The following H3C4 variants were observed in gnomAD, a reference collection of about 807,000 sequenced individuals.
H3C4 encodes the protein histone H3.1.
A neutral mutation model predicts 8.7 loss-of-function variants in H3C4; 10 were observed. That is an observed-to-expected ratio of 1.15 (90% CI 0.71 to 1.96). The LOEUF is 1.96. H3C4 is among the 30% of genes most tolerant of loss of function. The probability of loss-of-function intolerance (pLI) is 0.00; values close to 1 mark genes in which losing one functional copy is unlikely to be tolerated. For missense variants in H3C4, 216 were observed against 192.9 expected (o/e 1.12, Z -0.71); for synonymous variants, 141 against 80.1 (o/e 1.76, Z -4.06).
chr6:26,198,872 G>C, upstream of H3C4: 1 of 1,614,054 alleles, frequency 6.2e-7, no homozygotes, highest in East Asian at 2.2e-5. Flanking sequence ...TGGCCTTGTG[G>C]TGACTCTCAG....
At chr6:26,199,115 T>C (rs1406876778), upstream of H3C4, 1 of 1,614,156 alleles carries the variant, frequency 6.2e-7, no homozygotes, top group African/African-American at 1.3e-5. Flanking sequence ...CGGCCCCGAC[T>C]CGCTCGGAGT....
upstream of H3C4, among the ~76,000 whole-genome samples, chr6:26,198,513 G>A (rs769598952): frequency 1.3e-5 from 2 of 152,072 alleles, no homozygotes; most frequent in Non-Finnish European, 2.9e-5. Flanking sequence ...TTTATTTTTA[G>A]TAAAGACGGG....
chr6:26,197,188 C>T lies in H3C4; in HGVS notation c.63G>A (p.Leu21=). ...STGGKAPRKQ[L]ATKAARKSAP... ...CGCTCTTTCGAGCAGCCTTGGTGGC[C>T]AGCTGCTTGCGTGGCGCTTTCCCAC... Residue 21 remains leucine (L), a synonymous_variant, in exon 1 of 1, where the codon CTG becomes CTA. Transcript: ENST00000356476. 6.2e-7 allele frequency: 1 copy of T among 1,614,052 alleles called. No homozygotes were observed. The highest frequency in any genetic ancestry group is 8.5e-7 in the Non-Finnish European group (1 of 1,179,980).
At position 26,197,031 on chromosome 6, in the gene H3C4, C is replaced by T; in HGVS notation, c.220G>A (p.Glu74Lys). The change falls in exon 1 of 1, where the codon GAG (glutamate) becomes AAG (lysine). Residue 74 changes from glutamate (E) to lysine (K), a missense_variant. By Grantham distance (56) the Glu-to-Lys change is moderately conservative. Coordinates refer to ENST00000356476, the MANE Select transcript of H3C4 (RefSeq NM_001376937.1). ...RKLPFQRLVR[E>K]IAQDFKTDLR... ...TCAGTCTTGAAGTCCTGCGCGATCT[C>T]ACGGACTAGACGCTGGAATGGCAGT... The T allele has an allele frequency of 6.2e-7, 1 of 1,614,232 alleles. No homozygotes were observed.
upstream of H3C4, chr6:26,198,716 A>T: frequency 1.2e-6 from 1 of 837,256 alleles, no homozygotes; most frequent in South Asian, 1.9e-5. Context: ...TTATAAATGG[A>T]AAAATTATTA....
chr6:26,199,200 G>A (rs773531178), upstream of H3C4: 4 of 1,612,756 alleles, frequency 2.5e-6, no homozygotes, highest in African/African-American at 1.3e-5. Flanking sequence ...GCGGGTCTTA[G>A]CCTTAGCTCG....
upstream of H3C4, chr6:26,199,149 T>A (rs775517831): frequency 1.2e-6 from 2 of 1,614,142 alleles, no homozygotes; most frequent in Non-Finnish European, 1.7e-6. Context: ...GAGCAAGCGG[T>A]GTACGCGGCC....
In H3C4 at chr6:26,197,019, C is replaced by G. The variant is rs142669882; in HGVS notation, c.232G>C (p.Asp78His). 2.5e-6 allele frequency: 4 copies of G among 1,614,224 alleles called. No homozygotes were observed. Among genetic ancestry groups the G allele is most frequent in the Admixed American group, 1.7e-5 (1 of 60,024 alleles). The change falls in exon 1 of 1, where the codon GAC becomes CAC. Residue 78 changes from aspartate (D) to histidine (H), a missense_variant. Asp to His is a moderately conservative substitution (Grantham distance 81, BLOSUM62 -1). Transcript: ENST00000356476. ...TGAAAACGCAGATCAGTCTTGAAGT[C>G]CTGCGCGATCTCACGGACTAGACGC... ...FQRLVREIAQ[D>H]FKTDLRFQSS...
chr6:26,197,561 ATTT>A (rs1006615419), upstream of H3C4, among the ~76,000 whole-genome samples: 2 of 151,472 alleles, frequency 1.3e-5, no homozygotes, highest in African/African-American at 4.9e-5. Flanking sequence ...ACGTGTCTTA[ATTT>A]TTTTTTAAAT....
upstream of H3C4, among the ~76,000 whole-genome samples, chr6:26,197,937 C>T (rs1765019520): frequency 6.7e-6 from 1 of 150,150 alleles, no homozygotes; most frequent in South Asian, 2.1e-4. Flanking sequence ...GACCAGTGTG[C>T]CCTTTTAGTC....
At chr6:26,199,070 G>A (rs758858541), upstream of H3C4, 9 of 1,614,176 alleles carry the variant, frequency 5.6e-6, no homozygotes, top group African/African-American at 1.3e-5. Flanking sequence ...CGGCGGTCAG[G>A]TACTCCAACA....
At chr6:26,198,779 A>C (rs879066162), upstream of H3C4, 3 of 1,471,500 alleles carry the variant, frequency 2.0e-6, no homozygotes, top group South Asian at 3.6e-5. Flanking sequence ...CTTTTAAGGA[A>C]TACATGGGTG....
At chr6:26,198,804 C>CT, upstream of H3C4, 2 of 1,582,542 alleles carry the variant, frequency 1.3e-6, no homozygotes, top group Non-Finnish European at 1.7e-6. Flanking sequence ...TGAAAAGAGC[C>CT]TTTGTTAAGA....
rs756483478 is a variant in H3C4, at chr6:26,197,113, C to G, written c.138G>C (p.Thr46=). 6 of 1,614,064 alleles carry G rather than the reference C, an allele frequency of 3.7e-6. No individual in the cohort carries two copies. In the East Asian group the frequency reaches 1.1e-4, roughly 30 times the overall value. ...VKKPHRYRPG[T]VALREIRRYQ... is the part of the protein sequence containing the mutation. ...AGCGGCGGATCTCGCGCAGAGCCAC[C>G]GTGCCGGGCCGGTAACGGTGGGGCT... Residue 46 remains threonine, a synonymous_variant, in exon 1 of 1, where the codon ACG becomes ACC. Transcript: ENST00000356476.
chr6:26,197,400 C>G, upstream of H3C4: 1 of 704,528 alleles, frequency 1.4e-6, no homozygotes. Context: ...GACAGAACAT[C>G]TCCTGCATGT....
upstream of H3C4, chr6:26,198,980 G>A (rs756161227): frequency 1.2e-6 from 2 of 1,614,220 alleles, no homozygotes; most frequent in Non-Finnish European, 1.7e-6. Flanking sequence ...CGTCGTTGCG[G>A]ATGGCCAGCT....
upstream of H3C4, chr6:26,198,737 CAA>C: frequency 1.9e-6 from 2 of 1,058,106 alleles, no homozygotes; most frequent in Non-Finnish European, 2.7e-6. Flanking sequence ...AAGAAAACTG[CAA>C]AATAGCTATT....
upstream of H3C4, chr6:26,198,709 TA>T: frequency 1.3e-6 from 1 of 786,346 alleles, no homozygotes; most frequent in Non-Finnish European, 2.0e-6. Context: ...CACCCACTTA[TA>T]AATGGAAAAA....
upstream of H3C4, among the ~76,000 whole-genome samples, chr6:26,198,179 A>G (rs545169554): frequency 2.0e-5 from 3 of 152,332 alleles, no homozygotes; most frequent in Non-Finnish European, 4.4e-5. Context: ...CACTAACTAT[A>G]TTTTTATGTA....
Sources: gnomAD v4.1 joint callset for allele counts (sites outside exome capture counted in the v4.1 genomes callset) on GRCh38, gnomAD v4.1.1 for gene constraint, MANE v1.5 for transcripts, NCBI Gene and HGNC (gene_info 2026-07-23, HGNC 2026-07-21) for gene names.